CPEB2: variants seen among roughly 807,000 people sequenced by gnomAD.
The protein encoded by CPEB2 is cytoplasmic polyadenylation element-binding protein 2.
A neutral mutation model predicts 93.6 loss-of-function variants in CPEB2; 56 were observed. That is an observed-to-expected ratio of 0.60 (90% confidence interval 0.48 to 0.75). CPEB2 has a LOEUF of 0.75. Among genes scored for constraint, CPEB2 ranks in the 30% least tolerant of loss-of-function variants. CPEB2 has a pLI of 0.00. For synonymous variants in CPEB2, 764 were observed against 586.3 expected, an observed-to-expected ratio of 1.30 and a Z score of -4.38; for missense variants, 1,579 against 1,395.1, an observed-to-expected ratio of 1.13 and a Z score of -2.10.
chr4:15,039,102 T>C (rs1726920952), intron 5 of CPEB2, among the ~76,000 whole-genome samples: 1 of 152,170 alleles, frequency 6.6e-6, no homozygotes, highest in African/African-American at 2.4e-5. Context: ...TTTGGGGTCA[T>C]TGGAGCTCAA....
chr4:15,033,135 A>G, intron 4 of CPEB2, 26 bp from the exon 5 acceptor site: 1 of 1,565,472 alleles, frequency 6.4e-7, no homozygotes, highest in Non-Finnish European at 8.7e-7. Flanking sequence ...ATAATCTTCA[A>G]ACTCACCTTT....
intron 6 of CPEB2, among the ~76,000 whole-genome samples, chr4:15,051,589 G>A (rs760226203): frequency 6.6e-6 from 1 of 152,156 alleles, no homozygotes; most frequent in Non-Finnish European, 1.5e-5. Flanking sequence ...TTCACTTAGA[G>A]ATTTAGGAAA....
At chr4:15,006,413 A>T (rs1722820416) in intron 1 of CPEB2, 1 of 149,982 alleles carries the variant, frequency 6.7e-6, no homozygotes, top group Non-Finnish European at 1.5e-5. Flanking sequence ...AGCAATGAAT[A>T]CTTCTTAAAA....
Position 15,066,424 on chromosome 4 carries a change from A to G in CPEB2, c.*44A>G, listed in dbSNP as rs1303987148. On this transcript the variant is annotated 3_prime_UTR_variant, in exon 12 of 12. Transcript: ENST00000538197. The stretch of plus-strand genomic sequence containing the variant: ...TGTTTAACAAGGAAAGAAAGGGTGC[A>G]TGTGGCTTACTGTGTCTGAAGATAC... The G allele has an allele frequency of 6.4e-6, 9 of 1,397,494 alleles. No individual in the cohort carries two copies. In the East Asian group the frequency reaches 9.9e-5, roughly 15 times the overall value. 86.6% of individuals were successfully genotyped at this position (1,397,494 alleles called of 1,614,324 possible).
chr4:15,003,758 C>CAGGAGGCGGAGG lies in CPEB2; in HGVS notation c.1086_1097dup (p.Gly366_Gly369dup), dbSNP rs1560206902. The CAGGAGGCGGAGG allele has an allele frequency of 2.4e-6, 3 of 1,248,754 alleles. No homozygotes were observed. Among genetic ancestry groups the CAGGAGGCGGAGG allele is most frequent in the Non-Finnish European group, 3.0e-6 (3 of 1,001,522 alleles). 77.4% of individuals were successfully genotyped at this position (1,248,754 alleles called of 1,614,324 possible). A position where few individuals can be genotyped will look rare whatever the true frequency, so the allele number is the denominator to read the frequency against. On this transcript the variant is annotated inframe_insertion, in exon 1 of 12. Coordinates refer to ENST00000538197, the MANE Select transcript of CPEB2 (RefSeq NM_001177382.2). ...GGCGGCGGCGGGGGCGGGGGGCCCC[C>CAGGAGGCGGAGG]AGGAGGCGGAGGGGGAGGCGGCTCC... is the stretch of plus-strand genomic sequence containing the variant.
chr4:15,056,790 T>C lies in CPEB2; in HGVS notation c.2462-1631T>C, dbSNP rs553155586. Among the ~76,000 whole-genome samples the C allele has an allele frequency of 4.6e-5, 7 of 152,300 alleles. No individual in the cohort carries two copies. The South Asian group carries it at 1.2e-3, about 27-fold the overall frequency. ...GAATAACCTTCACCTTAAGTGATTA[T>C]TAGCTTGCTTTAACAAATTCGAAAG... On this transcript the variant is annotated intron_variant, in intron 8 of 11. Transcript: ENST00000538197.
At chr4:15,041,292 A>G (rs1560240655) in intron 6 of CPEB2, among the ~76,000 whole-genome samples, 1 of 152,106 alleles carries the variant, frequency 6.6e-6, no homozygotes, top group Non-Finnish European at 1.5e-5. Flanking sequence ...CATGATGTTT[A>G]TATTGTTAGG....
At chr4:15,062,837 C>T (rs1237414440) in intron 11 of CPEB2, among the ~76,000 whole-genome samples, 1 of 151,908 alleles carries the variant, frequency 6.6e-6, no homozygotes, top group Non-Finnish European at 1.5e-5. Context: ...AGTAGCATTG[C>T]TTGAATCATC....
At chr4:15,034,741 G>A (rs1224323863) in intron 5 of CPEB2, among the ~76,000 whole-genome samples, 1 of 152,118 alleles carries the variant, frequency 6.6e-6, no homozygotes, top group African/African-American at 2.4e-5. Context: ...AAATAATTGG[G>A]AATATTTGTG....
rs947144276 is a variant in CPEB2 at position 15,004,188 on chromosome 4, G to A, written c.1515G>A (p.Met505Ile). Residue 505 changes from methionine (M) to isoleucine (I), a missense_variant, in exon 1 of 12, where the codon ATG (methionine) becomes ATA (isoleucine). By Grantham distance (10) the Met-to-Ile change is conservative. Coordinates refer to ENST00000538197, the MANE Select transcript of CPEB2 (RefSeq NM_001177382.2). ...TAVPPPPPPA[M>I]NIPQQQPPPP... ...TGCCCCCTCCGCCGCCGCCCGCCAT[G>A]AATATACCTCAACAGCAGCCCCCGC... 6.7e-6 allele frequency: 9 copies of A among 1,351,530 alleles called. No homozygotes were observed. The highest frequency in any genetic ancestry group is 8.6e-6 in the Non-Finnish European group (9 of 1,040,906). 83.7% of individuals were successfully genotyped at this position (1,351,530 alleles called of 1,614,324 possible).
At position 15,004,108 on chromosome 4, in the gene CPEB2, C is replaced by G; in HGVS notation, c.1435C>G (p.Pro479Ala). 2 of 1,555,960 alleles carry G rather than the reference C, an allele frequency of 1.3e-6. No homozygotes were observed. ...GCACGGCTGCACTGGGCTCAGCGTT[C>G]CGACGAGCGGCGGCGGCGGCGGCGG... Reference protein sequence around the residue: ...SPHGCTGLSVPTSGGGGGGFG... With the variant: ...SPHGCTGLSVATSGGGGGGFG... Residue 479 changes from proline (P) to alanine (A), a missense_variant, in exon 1 of 12, where the codon CCG becomes GCG. Around this residue, in one of 2 missense-constraint regions of CPEB2, gnomAD observed 1,411 missense variants for 1,056.0 expected, o/e 1.34. Transcript: ENST00000538197.
rs1234606963 is a variant in CPEB2 at position 15,066,395 on chromosome 4, CCT to C, written c.*18_*19del. The C allele has an allele frequency of 4.5e-6, 7 of 1,557,590 alleles. No homozygotes were observed. Among genetic ancestry groups the C allele is most frequent in the Non-Finnish European group, 6.1e-6 (7 of 1,142,540 alleles). ...GCTGGAACTAAGAATAGCAAACTGG[CCT>C]CTGTTTAACAAGGAAAGAAAGGGTG... On this transcript the variant is annotated 3_prime_UTR_variant, in exon 12 of 12. Transcript: ENST00000538197.
chr4:15,018,151 C>T (rs1724384297), intron 4 of CPEB2, among the ~76,000 whole-genome samples: 1 of 151,842 alleles, frequency 6.6e-6, no homozygotes. Context: ...GAATCAAAAT[C>T]ATGGATTACT....
At chr4:15,024,444 C>T (rs953576546) in intron 4 of CPEB2, among the ~76,000 whole-genome samples, 2 of 152,106 alleles carry the variant, frequency 1.3e-5, no homozygotes, top group African/African-American at 4.8e-5. Context: ...GATATTTTAA[C>T]CTCCAGTATT....
chr4:15,026,936 G>T (rs1484536756), intron 4 of CPEB2, among the ~76,000 whole-genome samples: 1 of 152,042 alleles, frequency 6.6e-6, no homozygotes, highest in Admixed American at 6.6e-5. Flanking sequence ...AGTTCCACTG[G>T]CAATATTTTG....
At chr4:15,048,942 C>A (rs1418397815) in intron 6 of CPEB2, among the ~76,000 whole-genome samples, 2 of 151,908 alleles carry the variant, frequency 1.3e-5, no homozygotes, top group African/African-American at 4.8e-5. Context: ...AAAGGTCAGA[C>A]TTTGTCAATG....
At position 15,003,996 on chromosome 4, in the gene CPEB2, C is replaced by G; in HGVS notation, c.1323C>G (p.Pro441=). The change falls in exon 1 of 12, where the codon CCC becomes CCG. Residue 441 remains proline, a synonymous_variant. Transcript: ENST00000538197. ...SGGSLSAMPP[P]SPDSENGFYP... ...GCTCGCTCAGCGCCATGCCGCCGCCCAGCCCCGACTCAGAGAACGGCTTCT... is the reference window on the plus strand; with the variant it reads ...GCTCGCTCAGCGCCATGCCGCCGCCGAGCCCCGACTCAGAGAACGGCTTCT... 6.5e-7 allele frequency: 1 copy of G among 1,537,470 alleles called. No individual in the cohort carries two copies. The highest frequency in any genetic ancestry group is 8.7e-7 in the Non-Finnish European group (1 of 1,145,042).
rs1229519497 is a variant in CPEB2 at position 15,068,902 on chromosome 4, A to G, written c.*2522A>G. 3 of 149,174 alleles carry G rather than the reference A, an allele frequency of 2.0e-5. No homozygotes were observed. The highest frequency in any genetic ancestry group is 4.5e-5 in the Non-Finnish European group (3 of 66,968). The allele number at this position is 149,174 out of a possible 1,614,324, so 9.2% of individuals were successfully genotyped here. On this transcript the variant is annotated 3_prime_UTR_variant, in exon 12 of 12. Transcript: ENST00000538197. ...TTTGTTCCTTTCCCACCTCACCCCTACCTCTTTTGTTTTGTTTTGTTTTTG... is the reference window on the plus strand; with the variant it reads ...TTTGTTCCTTTCCCACCTCACCCCTGCCTCTTTTGTTTTGTTTTGTTTTTG...
chr4:15,022,493 A>G (rs1724925267), intron 4 of CPEB2, among the ~76,000 whole-genome samples: 1 of 152,104 alleles, frequency 6.6e-6, no homozygotes, highest in Admixed American at 6.6e-5. Context: ...TTAGATACAT[A>G]TCTATGTATC....
Sources: allele counts gnomAD v4.1 joint callset (sites outside exome capture counted in the v4.1 genomes callset), GRCh38; gene constraint gnomAD v4.1.1; regional missense constraint gnomAD v4.1.1; transcripts MANE v1.5; gene names NCBI Gene and HGNC (gene_info 2026-07-23, HGNC 2026-07-21).